The following UVRAG variants were observed in gnomAD, a reference collection of about 807,000 sequenced individuals.
UVRAG encodes the protein UV radiation resistance associated.
A neutral mutation model predicts 78.0 loss-of-function variants in UVRAG; 19 were observed. The ratio of observed to expected loss-of-function variants is 0.24; its 90% CI spans 0.17 to 0.36. UVRAG has a LOEUF of 0.36. Ranked by LOEUF, UVRAG falls within the 10% of genes least tolerant of loss-of-function variation. UVRAG has a pLI of 1.00. For missense variants in UVRAG, 740 were observed against 853.8 expected (o/e 0.87, Z 1.66); for synonymous variants, 323 against 324.6 (o/e 1.00, Z 0.05).
chr11:75,819,215 A>G (rs535131738), intron 1 of UVRAG, among the ~76,000 whole-genome samples: 4 of 152,350 alleles, frequency 2.6e-5, no homozygotes, highest in East Asian at 1.9e-4. Context: ...AGTACTAACT[A>G]TAGTCCATAT....
At chr11:76,128,610 TTTTG>T (rs375402238) in intron 14 of UVRAG, among the ~76,000 whole-genome samples, 1,569 of 151,954 alleles carry the variant, frequency 0.01, 31 homozygotes, top group African/African-American at 0.035. Context: ...GGGAGGTATT[TTTTG>T]TTTGTTTGTT....
chr11:75,954,044 C>T (rs766477371), intron 6 of UVRAG, among the ~76,000 whole-genome samples: 19 of 152,170 alleles, frequency 1.2e-4, no homozygotes, highest in Non-Finnish European at 2.5e-4. Flanking sequence ...AGTCCTTCAC[C>T]TCTTTATCCC....
chr11:75,976,573 G>A (rs1021667888), intron 7 of UVRAG, among the ~76,000 whole-genome samples: 5 of 152,048 alleles, frequency 3.3e-5, no homozygotes, highest in Non-Finnish European at 7.4e-5. Context: ...CAGCGATTCA[G>A]CTTCTTCCTG....
chr11:75,828,805 A>ATATATATATATATTTTTT (rs1478310271), intron 1 of UVRAG, among the ~76,000 whole-genome samples: 9 of 100,270 alleles, frequency 9.0e-5, no homozygotes, highest in African/African-American at 3.6e-4. Context: ...ATATATATAT[A>ATATATATATATATTTTTT]TTTTTTTTTT....
At chr11:75,949,014 C>T (rs1261723556) in intron 6 of UVRAG, among the ~76,000 whole-genome samples, 1 of 152,104 alleles carries the variant, frequency 6.6e-6, no homozygotes. Context: ...TTCTTTGGTA[C>T]TAAGAACAGA....
At chr11:76,070,050 CTT>C (rs1412233624) in intron 13 of UVRAG, among the ~76,000 whole-genome samples, 7 of 152,204 alleles carry the variant, frequency 4.6e-5, no homozygotes, top group South Asian at 2.1e-4. Flanking sequence ...AGTTAAGTGA[CTT>C]TAATGAATTT....
intron 6 of UVRAG, among the ~76,000 whole-genome samples, chr11:75,939,568 T>C (rs1176371738): frequency 6.6e-6 from 1 of 152,096 alleles, no homozygotes; most frequent in Non-Finnish European, 1.5e-5. Flanking sequence ...CTCACACATA[T>C]GCATACATAC....
At chr11:76,113,709 T>G (rs1364803430) in intron 13 of UVRAG, among the ~76,000 whole-genome samples, 2 of 152,152 alleles carry the variant, frequency 1.3e-5, no homozygotes, top group Non-Finnish European at 1.5e-5. Context: ...TAGCCTTGGC[T>G]TTGTCCCTTA....
rs575213069 is a variant in UVRAG at position 75,870,080 on chromosome 11, TAAA to T, written c.270+8305_270+8307del. On this transcript the variant is annotated intron_variant, in intron 3 of 14. Coordinates refer to ENST00000356136, the MANE Select transcript of UVRAG (RefSeq NM_003369.4). ...CGGGTATGTATAGGTTAAATATAAA[TAAA>T]AAAATCATCTGGGTCTATATAGTAA... Among the ~76,000 whole-genome samples the T allele has an allele frequency of 5.3e-5, 8 of 152,198 alleles. No individual in the cohort carries two copies. In the South Asian group the frequency reaches 1.5e-3, roughly 28 times the overall value.
chr11:75,995,501 GAA>G lies in UVRAG; in HGVS notation c.827-8490_827-8489del, dbSNP rs71471398. Among the ~76,000 whole-genome samples, 53 of 120,034 alleles carry G rather than the reference GAA, an allele frequency of 4.4e-4. No individual in the cohort carries two copies. In the South Asian group the frequency reaches 7.5e-3, roughly 17 times the overall value. 78.7% of individuals were successfully genotyped at this position (120,034 alleles called of 152,430 possible). ...TGTAATAGTTTCTTATTGTCATTTTGAAAAAAAAAAAAAAAGAGTAATTAAGG... is the reference window on the plus strand; with the variant it reads ...TGTAATAGTTTCTTATTGTCATTTTGAAAAAAAAAAAAAGAGTAATTAAGG... On this transcript the variant is annotated intron_variant, in intron 8 of 14. Coordinates refer to ENST00000356136, the MANE Select transcript of UVRAG (RefSeq NM_003369.4).
chr11:75,969,883 A>T (rs1949091933), intron 7 of UVRAG, among the ~76,000 whole-genome samples: 1 of 152,188 alleles, frequency 6.6e-6, no homozygotes, highest in Non-Finnish European at 1.5e-5. Flanking sequence ...TCAAATCAAG[A>T]TACTAACCTT....
At chr11:75,939,863 A>T (rs1008943278) in intron 6 of UVRAG, among the ~76,000 whole-genome samples, 1 of 152,312 alleles carries the variant, frequency 6.6e-6, no homozygotes, top group Admixed American at 6.5e-5. Context: ...ATTTATGTCC[A>T]GTTAAAACTG....
chr11:75,983,547 CCA>C, intron 8 of UVRAG, 34 bp downstream of exon 8: 1 of 1,522,354 alleles, frequency 6.6e-7, no homozygotes, highest in Non-Finnish European at 8.9e-7. Context: ...AGCCTAACCT[CCA>C]CATTCAGTAG....
rs549988515 is a variant in UVRAG at position 76,085,050 on chromosome 11, C to T, written c.1305+19262C>T. 7.6e-4 allele frequency among the ~76,000 whole-genome samples: 94 copies of T among 123,254 alleles called. 1 individual carries two copies. Among genetic ancestry groups the T allele is most frequent in the African/African-American group, 2.9e-3 (88 of 30,432 alleles). The allele number at this position is 123,254 out of a possible 152,430, so 80.9% of individuals were successfully genotyped here. On this transcript the variant is annotated intron_variant, in intron 13 of 14. Transcript: ENST00000356136. ...TTGCACTCCAGCCTGGGGGACAGAGCGAGACCCTGTCTCAAAAAAAAAAAA... is the reference window on the plus strand; with the variant it reads ...TTGCACTCCAGCCTGGGGGACAGAGTGAGACCCTGTCTCAAAAAAAAAAAA...
chr11:75,944,387 A>G (rs1188878400), intron 6 of UVRAG, among the ~76,000 whole-genome samples: 7 of 152,198 alleles, frequency 4.6e-5, no homozygotes, highest in African/African-American at 1.4e-4. Context: ...TGGGAGCAAG[A>G]TGAAGAGGTG....
At chr11:75,935,253 G>A (rs957753575) in intron 6 of UVRAG, among the ~76,000 whole-genome samples, 7 of 152,160 alleles carry the variant, frequency 4.6e-5, no homozygotes, top group Non-Finnish European at 8.8e-5. Context: ...AAAAAGATAA[G>A]CGTATGATAC....
At chr11:75,963,700 TG>T (rs1457798274) in intron 7 of UVRAG, among the ~76,000 whole-genome samples, 2 of 152,248 alleles carry the variant, frequency 1.3e-5, no homozygotes, top group African/African-American at 2.4e-5. Context: ...GGTTCATAGT[TG>T]GTGACTTTCA....
intron 13 of UVRAG, among the ~76,000 whole-genome samples, chr11:76,108,121 C>A (rs1277329940): frequency 6.6e-6 from 1 of 152,002 alleles, no homozygotes; most frequent in Non-Finnish European, 1.5e-5. Flanking sequence ...TTAGCTCAGG[C>A]CACATATGGA....
chr11:75,861,569 CTT>C (rs1946422702), intron 2 of UVRAG, among the ~76,000 whole-genome samples, 175 bp from the exon 3 acceptor site: 1 of 148,188 alleles, frequency 6.7e-6, no homozygotes, highest in Non-Finnish European at 1.5e-5. Flanking sequence ...CTTTAAAACA[CTT>C]TCATTGAATT....
Sources: gnomAD v4.1 joint callset for allele counts (sites outside exome capture counted in the v4.1 genomes callset) on GRCh38, gnomAD v4.1.1 for gene constraint, MANE v1.5 for transcripts, NCBI Gene and HGNC (gene_info 2026-07-23, HGNC 2026-07-21) for gene names.